CEP43: variants seen among roughly 807,000 people sequenced by gnomAD.
CEP43 encodes the protein FGFR1 oncogene partner.
A neutral mutation model predicts 52.6 loss-of-function variants in CEP43; 36 were observed. The observed-to-expected ratio is 0.68, with a 90% CI of 0.52 to 0.90. The LOEUF is 0.90. Among genes scored for constraint, CEP43 ranks in the 40% least tolerant of loss-of-function variants. The probability of loss-of-function intolerance (pLI) is 0.00; values close to 1 mark genes in which losing one functional copy is unlikely to be tolerated. For missense variants in CEP43, 506 were observed against 472.8 expected (o/e 1.07, Z -0.65); for synonymous variants, 192 against 172.4 (o/e 1.11, Z -0.89).
chr6:167,040,254 C>T lies in CEP43; in HGVS notation c.*276C>T, dbSNP rs1780667968. 2.0e-6 allele frequency: 3 copies of T among 1,503,468 alleles called. No individual in the cohort carries two copies. Among genetic ancestry groups the T allele is most frequent in the Admixed American group, 2.2e-5 (1 of 45,408 alleles). The allele number at this position is 1,503,468 out of a possible 1,614,324, so 93.1% of individuals were successfully genotyped here. On this transcript the variant is annotated 3_prime_UTR_variant, in exon 13 of 13. Transcript: ENST00000366847. ...ACTCAGTTTCATTACAGGGAAGGAA[C>T]CCATGAAAACATCAGTGTTAAGAGC...
At position 167,024,913 on chromosome 6, in the gene CEP43, G is replaced by A. The variant is rs1027552744; in HGVS notation, c.919+19G>A. The stretch of plus-strand genomic sequence containing the variant: ...TCTGAGAGTAAGTGCCCAAAGATGT[G>A]GACTTCAATACTCGGGATATTTTTT... On this transcript the variant is annotated intron_variant, in intron 9 of 12. Transcript: ENST00000366847. 6.9e-6 allele frequency: 9 copies of A among 1,296,510 alleles called. No individual in the cohort carries two copies. Among genetic ancestry groups the A allele is most frequent in the Non-Finnish European group, 9.9e-6 (9 of 905,652 alleles). 80.3% of individuals were successfully genotyped at this position (1,296,510 alleles called of 1,614,324 possible).
chr6:167,039,054 G>A (rs1017188972), intron 12 of CEP43, among the ~76,000 whole-genome samples: 4 of 152,070 alleles, frequency 2.6e-5, no homozygotes, highest in African/African-American at 4.8e-5. Context: ...TGTGATGTTT[G>A]GTTTTCCATT....
intron 7 of CEP43, among the ~76,000 whole-genome samples, chr6:167,016,551 C>T (rs1006636190): frequency 2.6e-5 from 4 of 152,170 alleles, no homozygotes; most frequent in Non-Finnish European, 4.4e-5. Context: ...CATGAGCCAC[C>T]GTGCCTGGCC....
Position 167,052,090 on chromosome 6 carries a change from A to G in CEP43, c.*12112A>G, listed in dbSNP as rs1780876141. On this transcript the variant is annotated 3_prime_UTR_variant, in exon 13 of 13. Coordinates refer to ENST00000366847, the MANE Select transcript of CEP43 (RefSeq NM_007045.4). ...ATTATTTTTAACTATATTTTTACGT[A>G]TTTCCTTAATGAATGCTTGATGGCT... The G allele has an allele frequency of 6.6e-6, 1 of 152,070 alleles. No individual in the cohort carries two copies. The allele number at this position is 152,070 out of a possible 1,614,324, so 9.4% of individuals were successfully genotyped here.
At chr6:167,030,237 C>G (rs149245924) in intron 10 of CEP43, among the ~76,000 whole-genome samples, 212 of 152,316 alleles carry the variant, frequency 1.4e-3, no homozygotes, top group African/African-American at 4.8e-3. Context: ...CCACAGCCGT[C>G]CTCGCTGTCT....
At chr6:167,038,911 A>G (rs938770588) in intron 12 of CEP43, among the ~76,000 whole-genome samples, 2 of 152,144 alleles carry the variant, frequency 1.3e-5, no homozygotes, top group Non-Finnish European at 2.9e-5. Flanking sequence ...CCCTAGCAGT[A>G]CACACCGGGC....
At position 167,022,522 on chromosome 6, in the gene CEP43, C is replaced by T; in HGVS notation, c.693C>T (p.Ser231=). 6.2e-7 allele frequency: 1 copy of T among 1,613,916 alleles called. No individual in the cohort carries two copies. Among genetic ancestry groups the T allele is most frequent in the East Asian group, 2.2e-5 (1 of 44,864 alleles). The change falls in exon 8 of 13, where the codon AGC becomes AGT. Residue 231 remains serine, a synonymous_variant. Transcript: ENST00000366847. Reference sequence around the variant, plus strand: ...AAACAAAAATTGGATCTTTTCTAAGCAACAGAACTTTAGATGGCAAAGACA... The same window carrying T: ...AAACAAAAATTGGATCTTTTCTAAGTAACAGAACTTTAGATGGCAAAGACA... The part of the protein sequence containing the change: ...SHETKIGSFL[S]NRTLDGKDKA...
intron 6 of CEP43, 59 bp from the exon 7 acceptor site, chr6:167,013,449 A>C (rs368856649): frequency 1.2e-4 from 162 of 1,364,750 alleles, no homozygotes; most frequent in Non-Finnish European, 1.6e-4. Flanking sequence ...GTAATGAGTT[A>C]GTTTATTTTT....
rs1780833721 is a variant in CEP43, at chr6:167,048,690, A to C, written c.*8712A>C. The C allele has an allele frequency of 6.6e-6, 1 of 152,238 alleles. No homozygotes were observed. 9.4% of individuals were successfully genotyped at this position (152,238 alleles called of 1,614,324 possible). On this transcript the variant is annotated 3_prime_UTR_variant, in exon 13 of 13. Coordinates refer to ENST00000366847, the MANE Select transcript of CEP43 (RefSeq NM_007045.4). The stretch of plus-strand genomic sequence containing the variant: ...GGAAGACACCATGCAAATACATGGT[A>C]AAAATATTCAAATTATTACTGATTT...
Position 167,041,899 on chromosome 6 carries a change from C to T in CEP43, c.*1921C>T. 1.4e-6 allele frequency: 1 copy of T among 719,016 alleles called. No individual in the cohort carries two copies. The highest frequency in any genetic ancestry group is 1.7e-6 in the Non-Finnish European group (1 of 579,716). 44.5% of individuals were successfully genotyped at this position (719,016 alleles called of 1,614,324 possible). On this transcript the variant is annotated 3_prime_UTR_variant, in exon 13 of 13. Transcript: ENST00000366847. ...AGTACAGTGATGCGATCTCGGCTCA[C>T]TGCAACCTCCGCCTCCTGGGTTCAA...
Position 166,999,399 on chromosome 6 carries a change from C to G in CEP43, c.-14C>G. 1 of 1,462,628 alleles carries G rather than the reference C, an allele frequency of 6.8e-7. No homozygotes were observed. Among genetic ancestry groups the G allele is most frequent in the Non-Finnish European group, 9.1e-7 (1 of 1,103,044 alleles). 90.6% of individuals were successfully genotyped at this position (1,462,628 alleles called of 1,614,324 possible). Reference sequence around the variant, plus strand: ...CCGTTAGCGCGGCTTCGGCGGTTGTCTTGGAGAAGCAAGATGGCGGCGACG... The same window carrying G: ...CCGTTAGCGCGGCTTCGGCGGTTGTGTTGGAGAAGCAAGATGGCGGCGACG... On this transcript the variant is annotated 5_prime_UTR_variant, in exon 1 of 13. Coordinates refer to ENST00000366847, the MANE Select transcript of CEP43 (RefSeq NM_007045.4).
rs1036447149 is a variant in CEP43, at chr6:167,003,174, A to T, written c.157-19A>T. ...TTTAGGGTAAACACATGACACTTAA[A>T]TTTTTTTTTTTTTAACAGAACAAAA... On this transcript the variant is annotated intron_variant, in intron 2 of 12. Coordinates refer to ENST00000366847, the MANE Select transcript of CEP43 (RefSeq NM_007045.4). The T allele has an allele frequency of 2.9e-4, 275 of 941,442 alleles. No homozygotes were observed. Among genetic ancestry groups the T allele is most frequent in the Non-Finnish European group, 3.3e-4 (220 of 657,064 alleles). 58.3% of individuals were successfully genotyped at this position (941,442 alleles called of 1,614,324 possible).
chr6:167,043,298 G>A lies in CEP43; in HGVS notation c.*3320G>A, dbSNP rs73033027. 3,173 of 151,580 alleles carry A rather than the reference G, an allele frequency of 0.021. 55 individuals carry two copies. The highest frequency in any genetic ancestry group is 0.09 in the East Asian group (464 of 5,140). The allele number at this position is 151,580 out of a possible 1,614,324, so 9.4% of individuals were successfully genotyped here. A position where few individuals can be genotyped will look rare whatever the true frequency, so the allele number is the denominator to read the frequency against. On this transcript the variant is annotated 3_prime_UTR_variant, in exon 13 of 13. Coordinates refer to ENST00000366847, the MANE Select transcript of CEP43 (RefSeq NM_007045.4). ...GTGGCATTGGGTGGGGAGGATTCCCGCCATCAGTTCTCTGTCCATGGGTGC... is the reference window on the plus strand; with the variant it reads ...GTGGCATTGGGTGGGGAGGATTCCCACCATCAGTTCTCTGTCCATGGGTGC...
intron 10 of CEP43, among the ~76,000 whole-genome samples, chr6:167,030,648 G>A (rs1010275610): frequency 7.9e-5 from 12 of 152,258 alleles, no homozygotes; most frequent in South Asian, 4.1e-4. Context: ...TCATCTACCC[G>A]TCTGTCTTAT....
Position 167,003,821 on chromosome 6 carries a change from A to C in CEP43, c.300+10A>C. On this transcript the variant is annotated intron_variant, in intron 4 of 12. Coordinates refer to ENST00000366847, the MANE Select transcript of CEP43 (RefSeq NM_007045.4). ...ACCTGAAACTAGCACAGTAAGAATAATGATTTTTACATCTATCTTTTGAAA... is the reference window on the plus strand; with the variant it reads ...ACCTGAAACTAGCACAGTAAGAATACTGATTTTTACATCTATCTTTTGAAA... 6.5e-7 allele frequency: 1 copy of C among 1,535,000 alleles called. No homozygotes were observed. Among genetic ancestry groups the C allele is most frequent in the South Asian group, 1.1e-5 (1 of 88,156 alleles).
At chr6:167,030,320 T>C (rs1780440515) in intron 10 of CEP43, among the ~76,000 whole-genome samples, 1 of 152,264 alleles carries the variant, frequency 6.6e-6, no homozygotes, top group Non-Finnish European at 1.5e-5. Flanking sequence ...CCTTGGAGGC[T>C]GACATTTTAG....
intron 7 of CEP43, among the ~76,000 whole-genome samples, chr6:167,018,163 C>G (rs1583278943): frequency 6.6e-6 from 1 of 152,168 alleles, no homozygotes; most frequent in Non-Finnish European, 1.5e-5. Flanking sequence ...CTCTTCCCCC[C>G]AGCAAGGATA....
intron 2 of CEP43, among the ~76,000 whole-genome samples, chr6:167,000,390 C>T (rs1172861245): frequency 1.3e-5 from 2 of 152,132 alleles, no homozygotes; most frequent in Non-Finnish European, 2.9e-5. Context: ...GTGCCATTGT[C>T]AATGTGTTAA....
At chr6:167,024,641 G>A (rs1780313897) in intron 8 of CEP43, 141 bp from the exon 9 acceptor site, 3 of 667,170 alleles carry the variant, frequency 4.5e-6, no homozygotes, top group Admixed American at 5.4e-5. Flanking sequence ...TTATGGTTTT[G>A]AATCTTTAAA....
Sources: allele counts gnomAD v4.1 joint callset (sites outside exome capture counted in the v4.1 genomes callset), GRCh38; gene constraint gnomAD v4.1.1; transcripts MANE v1.5; gene names NCBI Gene and HGNC (gene_info 2026-07-23, HGNC 2026-07-21).